PWWP2B: variants seen among roughly 807,000 people sequenced by gnomAD.
PWWP2B encodes the protein PWWP domain-containing protein 2B.
A neutral mutation model predicts 15.5 loss-of-function variants in PWWP2B; 9 were observed. That is an observed-to-expected ratio of 0.58 (90% CI 0.35 to 1.02). The LOEUF (loss-of-function observed/expected upper bound fraction) is 1.02, where lower values mean the gene tolerates loss of function less well. Among genes scored for constraint, PWWP2B ranks in the 50% least tolerant of loss-of-function variants. The probability of loss-of-function intolerance (pLI) is 0.02; values close to 1 mark genes in which losing one functional copy is unlikely to be tolerated. For missense variants in PWWP2B, 864 were observed against 865.3 expected, an observed-to-expected ratio of 1.00 and a Z score of 0.02; for synonymous variants, 474 against 403.6, an observed-to-expected ratio of 1.17 and a Z score of -2.09.
In PWWP2B at chr10:132,405,340, C is replaced by T; in HGVS notation, c.840C>T (p.Phe280=). Residue 280 remains phenylalanine, a synonymous_variant, in exon 2 of 3, where the codon TTC becomes TTT. Transcript: ENST00000305233. The part of the protein sequence containing the change: ...PSRVHGSLEP[F]RPQQAPQDDG... ...GCGTGCACGGCTCTCTGGAGCCCTT[C>T]CGTCCCCAGCAGGCCCCGCAGGACG... 6.2e-7 allele frequency: 1 copy of T among 1,611,788 alleles called. No individual in the cohort carries two copies. The highest frequency in any genetic ancestry group is 8.5e-7 in the Non-Finnish European group (1 of 1,179,388).
rs1256011957 is a variant in PWWP2B, at chr10:132,404,791, C to A, written c.291C>A (p.Thr97=). ...GCGGGGTTCAGCCCCCCGAGACCAC[C>A]CGCCCCGAGCCACCCCCGCCCCTCG... ...PARGVQPPET[T]RPEPPPPLVP... The change falls in exon 2 of 3, where the codon ACC becomes ACA. Residue 97 remains threonine (T), a synonymous_variant. Coordinates refer to ENST00000305233, the MANE Select transcript of PWWP2B (RefSeq NM_138499.4). 5 of 1,500,614 alleles carry A rather than the reference C, an allele frequency of 3.3e-6. No individual in the cohort carries two copies. In the South Asian group the frequency reaches 3.5e-5, roughly 10 times the overall value. The allele number at this position is 1,500,614 out of a possible 1,614,324, so 93.0% of individuals were successfully genotyped here.
chr10:132,410,775 A>T lies in PWWP2B; in HGVS notation c.*16+4486A>T, dbSNP rs548828670. On this transcript the variant is annotated intron_variant, in intron 2 of 2. Transcript: ENST00000305233. The stretch of plus-strand genomic sequence containing the variant: ...CAGGCCGTGCTCCACCGACGTGCGG[A>T]CTGGAAGCTGGGCACCTCCCTGAAG... Among the ~76,000 whole-genome samples, 6 of 152,224 alleles carry T rather than the reference A, an allele frequency of 3.9e-5. No homozygotes were observed. The East Asian group carries it at 1.2e-3, about 30-fold the overall frequency.
intron 2 of PWWP2B, among the ~76,000 whole-genome samples, chr10:132,413,381 G>A (rs1456208504): frequency 1.3e-5 from 2 of 152,146 alleles, no homozygotes; most frequent in Admixed American, 6.5e-5. Flanking sequence ...ACCAAGGAGG[G>A]TGCCCGCGGG....
intron 2 of PWWP2B, among the ~76,000 whole-genome samples, chr10:132,409,517 G>A (rs1343744174): frequency 6.6e-6 from 1 of 152,194 alleles, no homozygotes; most frequent in South Asian, 2.1e-4. Context: ...GGCCCACCGA[G>A]CCTGAGAGGG....
chr10:132,404,977 C>G lies in PWWP2B; in HGVS notation c.477C>G (p.Arg159=). 1 of 1,574,772 alleles carries G rather than the reference C, an allele frequency of 6.4e-7. No individual in the cohort carries two copies. The highest frequency in any genetic ancestry group is 8.6e-7 in the Non-Finnish European group (1 of 1,168,084). The change falls in exon 2 of 3, where the codon CGC becomes CGG. Residue 159 remains arginine, a synonymous_variant. Coordinates refer to ENST00000305233, the MANE Select transcript of PWWP2B (RefSeq NM_138499.4). Reference sequence around the variant, plus strand: ...CGCGGCGGCGTCTGTCCCGCAACCGCGACCCGGGGCGCCTCATCCTCAGCA... The same window carrying G: ...CGCGGCGGCGTCTGTCCCGCAACCGGGACCCGGGGCGCCTCATCCTCAGCA... ...KRTRRRLSRN[R]DPGRLILSTI... is the part of the protein sequence containing the mutation.
rs142401711 is a variant in PWWP2B at position 132,406,204 on chromosome 10, C to T, written c.1704C>T (p.Thr568=). 1.1e-5 allele frequency: 17 copies of T among 1,613,126 alleles called. No homozygotes were observed. Among genetic ancestry groups the T allele is most frequent in the East Asian group, 2.2e-5 (1 of 44,882 alleles). Residue 568 remains threonine (T), a synonymous_variant, in exon 2 of 3, where the codon ACC becomes ACT. Coordinates refer to ENST00000305233, the MANE Select transcript of PWWP2B (RefSeq NM_138499.4). ...AGGGGATGTATCGGAAAGCTATAACCGAGGCTGCAAATGCCGCAAGACACG... is the reference window on the plus strand; with the variant it reads ...AGGGGATGTATCGGAAAGCTATAACTGAGGCTGCAAATGCCGCAAGACACG... The part of the protein sequence containing the change: ...KKKGMYRKAI[T]EAANAARHVA...
At chr10:132,397,520 G>T (rs1208505270) in intron 1 of PWWP2B, among the ~76,000 whole-genome samples, 169 bp downstream of exon 1, 2 of 151,066 alleles carry the variant, frequency 1.3e-5, no homozygotes, top group East Asian at 2.0e-4. Context: ...GCCGCCACTC[G>T]GGGGGGCAAA....
chr10:132,416,972 C>A, intron 2 of PWWP2B, 89 bp from the exon 3 acceptor site: 1 of 1,451,276 alleles, frequency 6.9e-7, no homozygotes, highest in Non-Finnish European at 9.7e-7. Context: ...CCCTCCGGGG[C>A]ACCCTGACCT....
intron 2 of PWWP2B, among the ~76,000 whole-genome samples, chr10:132,415,340 ATC>A (rs1461150928): frequency 7.0e-6 from 1 of 142,562 alleles, no homozygotes. Context: ...CCACACACAT[ATC>A]CACTCACACA....
intron 1 of PWWP2B, among the ~76,000 whole-genome samples, chr10:132,398,532 G>A (rs1445195361): frequency 6.6e-6 from 1 of 152,240 alleles, no homozygotes; most frequent in Non-Finnish European, 1.5e-5. Context: ...GCACCACCTT[G>A]CCTGGCCTTT....
chr10:132,411,757 G>C lies in PWWP2B; in HGVS notation c.*17-5304G>C, dbSNP rs578115339. On this transcript the variant is annotated intron_variant, in intron 2 of 2. Coordinates refer to ENST00000305233, the MANE Select transcript of PWWP2B (RefSeq NM_138499.4). ...GAGTGTGGTGCTCACTGGAGTCTCC[G>C]GGCCAGAAGCAGCGACGCCGCCGTC... is the stretch of plus-strand genomic sequence containing the variant. Among the ~76,000 whole-genome samples, 5 of 152,346 alleles carry C rather than the reference G, an allele frequency of 3.3e-5. No homozygotes were observed. The South Asian group carries it at 6.2e-4, about 19-fold the overall frequency.
At chr10:132,397,406 C>T (rs1390479431) in intron 1 of PWWP2B, 55 bp downstream of exon 1, 14 of 1,168,146 alleles carry the variant, frequency 1.2e-5, no homozygotes, top group Non-Finnish European at 1.5e-5. Flanking sequence ...ACACCCGCCT[C>T]CGCCGCCCGG....
chr10:132,407,492 C>A (rs1327703196), intron 2 of PWWP2B, among the ~76,000 whole-genome samples: 1 of 151,934 alleles, frequency 6.6e-6, no homozygotes, highest in Non-Finnish European at 1.5e-5. Context: ...GGGGCGGGGA[C>A]TGGAGCGCCT....
In PWWP2B at chr10:132,417,059, A is replaced by C. The variant is rs1388941524; in HGVS notation, c.*17-2A>C. 6.2e-7 allele frequency: 1 copy of C among 1,613,334 alleles called. No individual in the cohort carries two copies. The highest frequency in any genetic ancestry group is 8.5e-7 in the Non-Finnish European group (1 of 1,179,578). Reference sequence around the variant, plus strand: ...CTCTGCCCCTTTTTGCTTTCCCCCAAGGTCACCGACGATGAGGGCGCACCT... The same window carrying C: ...CTCTGCCCCTTTTTGCTTTCCCCCACGGTCACCGACGATGAGGGCGCACCT... On this transcript the variant is annotated splice_acceptor_variant, in intron 2 of 2. Coordinates refer to ENST00000305233, the MANE Select transcript of PWWP2B (RefSeq NM_138499.4). LOFTEE classifies it low-confidence loss of function (3UTR_SPLICE).
chr10:132,399,998 C>G (rs1015408005), intron 1 of PWWP2B, among the ~76,000 whole-genome samples: 1 of 152,208 alleles, frequency 6.6e-6, no homozygotes, highest in African/African-American at 2.4e-5. Flanking sequence ...GTGAACCACA[C>G]CCTAGGCCAG....
At chr10:132,408,622 G>A (rs562782699) in intron 2 of PWWP2B, among the ~76,000 whole-genome samples, 8 of 152,336 alleles carry the variant, frequency 5.3e-5, no homozygotes, top group East Asian at 1.9e-4. Context: ...GCAGCTGCCC[G>A]AGGATGAGGA....
chr10:132,398,450 C>T (rs550379754), intron 1 of PWWP2B, among the ~76,000 whole-genome samples: 175 of 152,352 alleles, frequency 1.1e-3, no homozygotes, highest in Non-Finnish European at 2.2e-3. Context: ...CCTCCACCAT[C>T]GGCCTCAGCT....
At position 132,417,179 on chromosome 10, in the gene PWWP2B, T is replaced by C. The variant is rs2069870560; in HGVS notation, c.*135T>C. The C allele has an allele frequency of 2.9e-6, 4 of 1,359,488 alleles. No homozygotes were observed. In the East Asian group the frequency reaches 9.2e-5, roughly 31 times the overall value. 84.2% of individuals were successfully genotyped at this position (1,359,488 alleles called of 1,614,324 possible). A position where few individuals can be genotyped will look rare whatever the true frequency, so the allele number is the denominator to read the frequency against. On this transcript the variant is annotated 3_prime_UTR_variant, in exon 3 of 3. Coordinates refer to ENST00000305233, the MANE Select transcript of PWWP2B (RefSeq NM_138499.4). ...ACTGGGCACGGTGGTCGGCCTGGTG[T>C]GAGGCCCCCCGGGGACCGGCAGTGT...
intron 2 of PWWP2B, among the ~76,000 whole-genome samples, chr10:132,406,963 G>A (rs1476412942): frequency 1.3e-5 from 2 of 152,114 alleles, no homozygotes; most frequent in South Asian, 4.1e-4. Flanking sequence ...TCCCGGGGAC[G>A]GCGTCTCACT....
Sources: gnomAD v4.1 joint callset for allele counts (sites outside exome capture counted in the v4.1 genomes callset) on GRCh38, gnomAD v4.1.1 for gene constraint, MANE v1.5 for transcripts, NCBI Gene and HGNC (gene_info 2026-07-23, HGNC 2026-07-21) for gene names.